Variants in NSG1 observed in about 807,000 individuals in gnomAD.
NSG1 encodes the protein neuronal vesicle trafficking associated 1, also known as neuronal vesicle trafficking-associated protein 1.
A neutral mutation model predicts 19.3 loss-of-function variants in NSG1; 9 were observed. The ratio of observed to expected loss-of-function variants is 0.47; its 90% confidence interval spans 0.28 to 0.81. The LOEUF (loss-of-function observed/expected upper bound fraction) is 0.81. NSG1 is among the 40% of genes least tolerant of loss of function. The pLI is 0.11. For synonymous variants in NSG1, 104 were observed against 107.0 expected (o/e 0.97, Z 0.17); for missense variants, 236 against 242.4 (o/e 0.97, Z 0.18).
rs1724704992 is a variant in NSG1 at position 4,418,359 on chromosome 4, G to C, written c.*924G>C. ...TGGAAATGTAATTTCTGGTAAGCTT[G>C]AGCTACTTTAATTTTTATTCTATGA... is the stretch of plus-strand genomic sequence containing the variant. On this transcript the variant is annotated 3_prime_UTR_variant, in exon 5 of 5. Coordinates refer to ENST00000621129, the MANE Select transcript of NSG1 (RefSeq NM_014392.5). 1 of 151,372 alleles carries C rather than the reference G, an allele frequency of 6.6e-6. No individual in the cohort carries two copies. Among genetic ancestry groups the C allele is most frequent in the South Asian group, 2.1e-4 (1 of 4,702 alleles). 9.4% of individuals were successfully genotyped at this position (151,372 alleles called of 1,614,324 possible). A position where few individuals can be genotyped will look rare whatever the true frequency, so the allele number is the denominator to read the frequency against.
At chr4:4,392,764 A>G (rs926374657) in intron 3 of NSG1, among the ~76,000 whole-genome samples, 6 of 152,156 alleles carry the variant, frequency 3.9e-5, no homozygotes, top group Non-Finnish European at 5.9e-5. Context: ...AAATCCTCCC[A>G]GCAGCCCTCT....
intron 3 of NSG1, among the ~76,000 whole-genome samples, chr4:4,406,662 C>G (rs1021347331): frequency 6.6e-6 from 1 of 152,166 alleles, no homozygotes; most frequent in Non-Finnish European, 1.5e-5. Context: ...GCAGACAGCT[C>G]CGTCATGCTC....
intron 1 of NSG1, 43 bp from the exon 2 acceptor site, chr4:4,387,561 C>CGGGGGGGGGGGGGGGGGG: frequency 2.6e-6 from 3 of 1,141,990 alleles, no homozygotes; most frequent in Non-Finnish European, 2.5e-6. Context: ...CGCCCCGCCC[C>CGGGGGGGGGGGGGGGGGG]GGGTCTTGCT....
chr4:4,403,637 A>G (rs6813235), intron 3 of NSG1, among the ~76,000 whole-genome samples: 17,182 of 151,982 alleles, frequency 0.11, 2,232 homozygotes, highest in African/African-American at 0.32. Context: ...TACCATATAC[A>G]TTTCCGGGAG....
At chr4:4,415,209 C>A (rs56278236) in intron 4 of NSG1, among the ~76,000 whole-genome samples, 3,865 of 152,238 alleles carry the variant, frequency 0.025, 140 homozygotes, top group African/African-American at 0.082. Flanking sequence ...GCACCCGGAC[C>A]TTAGTGGCTA....
At chr4:4,392,405 A>G (rs1723041891) in intron 3 of NSG1, among the ~76,000 whole-genome samples, 1 of 152,110 alleles carries the variant, frequency 6.6e-6, no homozygotes. Flanking sequence ...GGCCTTGCAG[A>G]GTGGCCCTGT....
chr4:4,396,766 C>A (rs759349158), intron 3 of NSG1, among the ~76,000 whole-genome samples: 2 of 151,722 alleles, frequency 1.3e-5, no homozygotes, highest in African/African-American at 4.9e-5. Flanking sequence ...TCTGTTTCCA[C>A]ATTCTCCAGT....
At position 4,400,338 on chromosome 4, in the gene NSG1, TA is replaced by T. The variant is rs556666543; in HGVS notation, c.246+8748del. 6.6e-5 allele frequency among the ~76,000 whole-genome samples: 10 copies of T among 152,346 alleles called. 1 individual carries two copies. In the South Asian group the frequency reaches 1.7e-3, roughly 25 times the overall value. On this transcript the variant is annotated intron_variant, in intron 3 of 4. Coordinates refer to ENST00000621129, the MANE Select transcript of NSG1 (RefSeq NM_014392.5). ...ATTTATATATCTCGTCTTATGCTAA[TA>T]CCACTCCGTTTTGATTATCGTAGCT...
chr4:4,390,763 G>A (rs542845391), intron 2 of NSG1, among the ~76,000 whole-genome samples: 1 of 152,212 alleles, frequency 6.6e-6, no homozygotes, highest in African/African-American at 2.4e-5. Flanking sequence ...CTGAGGCCAG[G>A]GCTGTGAGTG....
intron 3 of NSG1, among the ~76,000 whole-genome samples, chr4:4,399,348 G>T (rs189836832): frequency 2.2e-4 from 34 of 152,228 alleles, no homozygotes; most frequent in African/African-American, 7.9e-4. Context: ...TCACTATGTT[G>T]CCCAGGCTGG....
At chr4:4,407,805 T>C (rs1723947941) in intron 3 of NSG1, among the ~76,000 whole-genome samples, 1 of 151,564 alleles carries the variant, frequency 6.6e-6, no homozygotes, top group Non-Finnish European at 1.5e-5. Flanking sequence ...CTCAGAGAGG[T>C]TAAGGGGCTT....
At chr4:4,401,904 A>G (rs1577286749) in intron 3 of NSG1, among the ~76,000 whole-genome samples, 2 of 152,128 alleles carry the variant, frequency 1.3e-5, no homozygotes, top group African/African-American at 2.4e-5. Context: ...TTTTTGAGAC[A>G]GGGCCTCGCT....
At position 4,387,524 on chromosome 4, in the gene NSG1, G is replaced by C. The variant is rs1722787416; in HGVS notation, c.-26-80G>C. On this transcript the variant is annotated intron_variant, in intron 1 of 4. Coordinates refer to ENST00000621129, the MANE Select transcript of NSG1 (RefSeq NM_014392.5). ...GGGAGCTCGCGGACGCCGGGACGCC[G>C]GTGGGTGTGGGTGCCCACTTCCCCC... 3.1e-6 allele frequency: 3 copies of C among 956,836 alleles called. No homozygotes were observed. The South Asian group carries it at 5.0e-5, about 16-fold the overall frequency. 59.3% of individuals were successfully genotyped at this position (956,836 alleles called of 1,614,324 possible). A position where few individuals can be genotyped will look rare whatever the true frequency, so the allele number is the denominator to read the frequency against.
upstream of NSG1, chr4:4,386,532 G>A (rs1722720807): frequency 6.6e-6 from 1 of 150,876 alleles, no homozygotes; most frequent in Non-Finnish European, 1.5e-5. Context: ...CCCTCTTTTG[G>A]TCGCCCCCTC....
intron 3 of NSG1, among the ~76,000 whole-genome samples, chr4:4,402,543 A>G (rs922681336): frequency 4.0e-5 from 6 of 151,394 alleles, no homozygotes; most frequent in African/African-American, 1.5e-4. Context: ...GTCCGCCACT[A>G]CACCCGGCTA....
At chr4:4,415,490 TGGCCCATGTGGGCTCAC>T (rs1439101899) in intron 4 of NSG1, among the ~76,000 whole-genome samples, 1 of 152,116 alleles carries the variant, frequency 6.6e-6, no homozygotes. Context: ...AAGCCTTCCC[TGGCCCATGTGGGCTCAC>T]GGCAAGGCCT....
At chr4:4,402,995 G>A (rs1171497159) in intron 3 of NSG1, among the ~76,000 whole-genome samples, 4 of 152,226 alleles carry the variant, frequency 2.6e-5, no homozygotes, top group African/African-American at 7.2e-5. Context: ...CTAAATCCAC[G>A]TTCTGTTCGA....
At chr4:4,402,411 GGA>G (rs1297897959) in intron 3 of NSG1, among the ~76,000 whole-genome samples, 2 of 88,558 alleles carry the variant, frequency 2.3e-5, no homozygotes, top group Non-Finnish European at 3.9e-5. Context: ...TTTTTGAGAC[GGA>G]GTCTTGCTCT....
chr4:4,392,327 G>A (rs1177485244), intron 3 of NSG1, among the ~76,000 whole-genome samples: 7 of 152,204 alleles, frequency 4.6e-5, no homozygotes, highest in Non-Finnish European at 7.3e-5. Flanking sequence ...AAACATGAGA[G>A]AGAGAGAGTA....
Sources: allele counts gnomAD v4.1 joint callset (sites outside exome capture counted in the v4.1 genomes callset), GRCh38; gene constraint gnomAD v4.1.1; transcripts MANE v1.5; gene names NCBI Gene and HGNC (gene_info 2026-07-23, HGNC 2026-07-21).